Variants in ARHGEF26 observed in about 807,000 individuals in gnomAD.
The protein encoded by ARHGEF26 is Rho guanine nucleotide exchange factor (GEF) 26.
Under a neutral mutation model 89.4 loss-of-function variants are expected in ARHGEF26, and 59 were observed. The ratio of observed to expected loss-of-function variants is 0.66; its 90% confidence interval spans 0.54 to 0.82. The LOEUF (loss-of-function observed/expected upper bound fraction) is 0.82. Ranked by LOEUF, ARHGEF26 falls within the 40% of genes least tolerant of loss-of-function variation. The pLI is 0.00. For missense variants in ARHGEF26, 1,234 were observed against 1,085.6 expected (o/e 1.14, Z -1.92); for synonymous variants, 500 against 428.4 (o/e 1.17, Z -2.06).
intron 11 of ARHGEF26, among the ~76,000 whole-genome samples, chr3:154,233,034 T>C (rs1008999102): frequency 1.3e-5 from 2 of 151,924 alleles, no homozygotes. Flanking sequence ...GGTTTTACCA[T>C]GTTAGCCAGG....
chr3:154,255,495 A>G lies in ARHGEF26; in HGVS notation c.*22A>G. ...GTAGTCTCTCAGATGGTCTTTTGTT[A>G]CTGCAAGATTTGCACGACACTTACC... On this transcript the variant is annotated 3_prime_UTR_variant, in exon 15 of 15. Coordinates refer to ENST00000465093, the MANE Select transcript of ARHGEF26 (RefSeq NM_015595.4). 3 of 1,604,888 alleles carry G rather than the reference A, an allele frequency of 1.9e-6. No homozygotes were observed. The South Asian group carries it at 3.4e-5, about 18-fold the overall frequency.
In ARHGEF26 at chr3:154,254,702, G is replaced by T. The variant is rs1718373096; in HGVS notation, c.2369-18G>T. 6.2e-7 allele frequency: 1 copy of T among 1,605,008 alleles called. No homozygotes were observed. The highest frequency in any genetic ancestry group is 1.7e-4 in the Middle Eastern group (1 of 6,034). ...TTCTCTGCTACTGGAAACTTAGTAT[G>T]TCCTCTTTTGGCCTCAGCACTGACC... On this transcript the variant is annotated intron_variant, in intron 13 of 14. Transcript: ENST00000465093.
chr3:154,231,997 T>C (rs1320176108), intron 11 of ARHGEF26, among the ~76,000 whole-genome samples: 1 of 152,122 alleles, frequency 6.6e-6, no homozygotes, highest in Non-Finnish European at 1.5e-5. Flanking sequence ...TTTTTATTGA[T>C]GTCGTCAGTA....
At chr3:154,124,372 C>CTTTTTTTTTTTTTTTTTCTTT in intron 2 of ARHGEF26, 38 bp from the exon 3 acceptor site, 1 of 1,007,768 alleles carries the variant, frequency 9.9e-7, no homozygotes, top group Admixed American at 4.2e-5. Flanking sequence ...TTTGCTTTTC[C>CTTTTTTTTTTTTTTTTTCTTT]TTTTTTTTTT....
At position 154,152,799 on chromosome 3, in the gene ARHGEF26, C is replaced by T. The variant is rs1438706218; in HGVS notation, c.1354C>T (p.His452Tyr). The change falls in exon 6 of 15, where the codon CAT becomes TAT. Residue 452 changes from histidine to tyrosine, a missense_variant. Transcript: ENST00000465093. Reference protein sequence around the residue: ...EAIFEVISSEHSYLLSLEILI... With the variant: ...EAIFEVISSEYSYLLSLEILI... ...TATCTTTGAAGTCATATCCTCTGAA[C>T]ATTCATATTTACTCAGCTTGGAGAT... The T allele has an allele frequency of 6.4e-7, 1 of 1,551,034 alleles. No individual in the cohort carries two copies. Among genetic ancestry groups the T allele is most frequent in the Non-Finnish European group, 8.7e-7 (1 of 1,146,676 alleles).
intron 4 of ARHGEF26, among the ~76,000 whole-genome samples, chr3:154,145,332 G>A (rs1480391125): frequency 6.6e-6 from 1 of 152,116 alleles, no homozygotes; most frequent in East Asian, 1.9e-4. Flanking sequence ...TGTGTCCTGT[G>A]GTATAATTTT....
At chr3:154,218,866 A>G (rs1334003360) in intron 10 of ARHGEF26, among the ~76,000 whole-genome samples, 2 of 152,226 alleles carry the variant, frequency 1.3e-5, no homozygotes, top group Admixed American at 6.5e-5. Flanking sequence ...CCAGAGAATA[A>G]TTGTCAGCAG....
intron 7 of ARHGEF26, among the ~76,000 whole-genome samples, chr3:154,189,283 T>G (rs1462475496): frequency 6.6e-6 from 1 of 152,254 alleles, no homozygotes; most frequent in Admixed American, 6.5e-5. Flanking sequence ...TCATCAGCAC[T>G]TTCACGTGGC....
Position 154,162,437 on chromosome 3 carries a change from T to G in ARHGEF26, c.1487+9505T>G, listed in dbSNP as rs145441157. Among the ~76,000 whole-genome samples, 1,194 of 152,280 alleles carry G rather than the reference T, an allele frequency of 7.8e-3. 8 individuals carry two copies. The highest frequency in any genetic ancestry group is 0.013 in the Non-Finnish European group (918 of 68,006). ...CATCTGGGCATCAATTTTGTGTTTC[T>G]CCAAAAACTTTTCTTATTTCATCTG... On this transcript the variant is annotated intron_variant, in intron 6 of 14. Coordinates refer to ENST00000465093, the MANE Select transcript of ARHGEF26 (RefSeq NM_015595.4).
At chr3:154,230,379 C>A (rs960461399) in intron 11 of ARHGEF26, among the ~76,000 whole-genome samples, 1 of 152,138 alleles carries the variant, frequency 6.6e-6, no homozygotes, top group Non-Finnish European at 1.5e-5. Flanking sequence ...GTCTTTGTTT[C>A]CAGAGGCTCA....
chr3:154,177,605 A>G (rs561967622), intron 6 of ARHGEF26, among the ~76,000 whole-genome samples: 1 of 152,196 alleles, frequency 6.6e-6, no homozygotes, highest in East Asian at 1.9e-4. Context: ...GGATCTATAG[A>G]GTGGTTTCGG....
intron 9 of ARHGEF26, among the ~76,000 whole-genome samples, chr3:154,199,166 A>AT (rs201409889): frequency 1.8e-3 from 270 of 147,980 alleles, no homozygotes; most frequent in Middle Eastern, 3.4e-3. Flanking sequence ...TGTTCATTTT[A>AT]TTTTTTTTTT....
intron 11 of ARHGEF26, among the ~76,000 whole-genome samples, chr3:154,227,292 ATTTT>A (rs10707250): frequency 9.0e-5 from 10 of 111,694 alleles, no homozygotes; most frequent in Admixed American, 9.3e-5. Context: ...CTAAGTAAAA[ATTTT>A]TTTTTTTTTT....
chr3:154,240,243 A>G, intron 11 of ARHGEF26, 127 bp from the exon 12 acceptor site: 2 of 645,110 alleles, frequency 3.1e-6, no homozygotes, highest in Non-Finnish European at 5.4e-6. Context: ...ATAGTTTAAA[A>G]TAAGTCATTC....
intron 9 of ARHGEF26, among the ~76,000 whole-genome samples, chr3:154,195,338 C>G (rs115729662): frequency 3.9e-5 from 6 of 152,250 alleles, no homozygotes; most frequent in Non-Finnish European, 7.4e-5. Context: ...AGGGAACCAG[C>G]TGTGTGGGGC....
intron 6 of ARHGEF26, among the ~76,000 whole-genome samples, chr3:154,181,583 G>T (rs978609277): frequency 6.6e-6 from 1 of 152,126 alleles, no homozygotes; most frequent in Non-Finnish European, 1.5e-5. Context: ...TGAGTGCTGC[G>T]CTGCTTAGTC....
At chr3:154,237,538 TCACACACACACA>T (rs71152796) in intron 11 of ARHGEF26, among the ~76,000 whole-genome samples, 6 of 143,200 alleles carry the variant, frequency 4.2e-5, no homozygotes, top group Admixed American at 1.4e-4. Context: ...TGAGACTCCG[TCACACACACACA>T]CACACACACA....
intron 13 of ARHGEF26, among the ~76,000 whole-genome samples, chr3:154,253,709 A>C (rs1166015642): frequency 6.6e-6 from 1 of 152,204 alleles, no homozygotes; most frequent in Non-Finnish European, 1.5e-5. Flanking sequence ...AAACTGGCGC[A>C]GTGAAGGGGG....
rs1026128378 is a variant in ARHGEF26, at chr3:154,122,232, C to G, written c.240C>G (p.Ser80Arg). Reference protein sequence around the residue: ...TASDSRTVHRSPLLLGAQRRA... With the variant: ...TASDSRTVHRRPLLLGAQRRA... ...CGGACAGCAGGACGGTACATAGGAG[C>G]CCCCTGCTTCTGGGCGCCCAGCGGA... The change falls in exon 2 of 15, where the codon AGC (serine) becomes AGG (arginine). Residue 80 changes from serine to arginine, a missense_variant. Coordinates refer to ENST00000465093, the MANE Select transcript of ARHGEF26 (RefSeq NM_015595.4). 1.2e-6 allele frequency: 2 copies of G among 1,609,986 alleles called. No individual in the cohort carries two copies. Among genetic ancestry groups the G allele is most frequent in the South Asian group, 2.2e-5 (2 of 90,500 alleles).
Sources: gnomAD v4.1 joint callset for allele counts (sites outside exome capture counted in the v4.1 genomes callset) on GRCh38, gnomAD v4.1.1 for gene constraint, MANE v1.5 for transcripts, NCBI Gene and HGNC (gene_info 2026-07-23, HGNC 2026-07-21) for gene names.